Variants in SYT9 observed in about 807,000 individuals in gnomAD.
SYT9 encodes the protein synaptotagmin 9, also known as synaptotagmin-9.
In SYT9, 22 loss-of-function variants were observed where a neutral mutation model predicts 48.4. That is an observed-to-expected ratio of 0.45 (90% CI 0.32 to 0.65). The LOEUF (loss-of-function observed/expected upper bound fraction) is 0.65. Among genes scored for constraint, SYT9 ranks in the 30% least tolerant of loss-of-function variants. SYT9 has a pLI of 0.03. For missense variants in SYT9, 577 were observed against 622.0 expected, an observed-to-expected ratio of 0.93 and a Z score of 0.77; for synonymous variants, 265 against 245.0, an observed-to-expected ratio of 1.08 and a Z score of -0.76.
intron 3 of SYT9, among the ~76,000 whole-genome samples, chr11:7,406,324 C>T (rs1256730164): frequency 6.6e-6 from 1 of 151,954 alleles, no homozygotes; most frequent in Non-Finnish European, 1.5e-5. Context: ...CCACCTGCCA[C>T]CCACACACCC....
chr11:7,248,654 T>G (rs1847823364), upstream of SYT9, among the ~76,000 whole-genome samples: 1 of 152,118 alleles, frequency 6.6e-6, no homozygotes, highest in Admixed American at 6.6e-5. Flanking sequence ...CAAGGAAGAC[T>G]GCAAAACACT....
chr11:7,386,922 G>C (rs1850672065), intron 3 of SYT9, among the ~76,000 whole-genome samples: 1 of 152,112 alleles, frequency 6.6e-6, no homozygotes, highest in African/African-American at 2.4e-5. Flanking sequence ...TGATAGACTG[G>C]ATTAAGAAAA....
chr11:7,318,374 CGCAATCAAGGCTCACTGCAACCTCT>C (rs1219344011), intron 3 of SYT9, among the ~76,000 whole-genome samples: 1 of 151,602 alleles, frequency 6.6e-6, no homozygotes, highest in Non-Finnish European at 1.5e-5. Context: ...AGTGCAATGG[CGCAATCAAGGCTCACTGCAACCTCT>C]GCCTTCAGGG....
intron 6 of SYT9, among the ~76,000 whole-genome samples, chr11:7,432,637 A>ATG (rs1847628790): frequency 9.9e-6 from 1 of 100,848 alleles, no homozygotes; most frequent in African/African-American, 3.6e-5. Context: ...ATATATATAT[A>ATG]TTTAATGACT....
At chr11:7,313,267 A>G (rs1056169824) in intron 2 of SYT9, 128 bp from the exon 3 acceptor site, 18 of 953,800 alleles carry the variant, frequency 1.9e-5, no homozygotes, top group Non-Finnish European at 2.6e-5. Context: ...CCACACACAC[A>G]CAAAAAAGGC....
intron 6 of SYT9, among the ~76,000 whole-genome samples, chr11:7,449,480 T>G (rs1482905310): frequency 6.6e-6 from 1 of 151,778 alleles, no homozygotes; most frequent in Non-Finnish European, 1.5e-5. Context: ...CAGGATTCAG[T>G]TGAAGTGAGA....
chr11:7,462,266 C>T (rs1848250591), intron 6 of SYT9, among the ~76,000 whole-genome samples: 1 of 152,160 alleles, frequency 6.6e-6, no homozygotes, highest in African/African-American at 2.4e-5. Flanking sequence ...ATTGTAATAT[C>T]TATCACAGAG....
intron 1 of SYT9, among the ~76,000 whole-genome samples, chr11:7,255,624 T>C (rs1238218330): frequency 6.6e-6 from 1 of 152,118 alleles, no homozygotes; most frequent in Non-Finnish European, 1.5e-5. Context: ...CGCAAGTATT[T>C]ATTGAAGGAA....
intron 3 of SYT9, among the ~76,000 whole-genome samples, chr11:7,412,826 G>T (rs1335763768): frequency 6.6e-6 from 1 of 152,158 alleles, no homozygotes; most frequent in Non-Finnish European, 1.5e-5. Flanking sequence ...GTCTCATGGT[G>T]CTTGCAAGTG....
intron 3 of SYT9, among the ~76,000 whole-genome samples, chr11:7,363,319 C>A (rs1366628308): frequency 2.0e-5 from 3 of 152,090 alleles, no homozygotes; most frequent in Non-Finnish European, 2.9e-5. Context: ...CTTTTAACAC[C>A]AAGACCTCAT....
At position 7,238,923 on chromosome 11, in the gene SYT9, T is replaced by C. The variant is rs541111097; in HGVS notation, c.49+7T>C. On this transcript the variant is annotated splice_region_variant and intron_variant and NMD_transcript_variant, in intron 1 of 8. Coordinates refer to the SYT9 transcript ENST00000524820. ...GCTTTCAAAGGAGGCAGAGGTAAAGTTGCTAGTGGGGAATCTTGTGCCCAT... is the reference window on the plus strand; with the variant it reads ...GCTTTCAAAGGAGGCAGAGGTAAAGCTGCTAGTGGGGAATCTTGTGCCCAT... The C allele has an allele frequency of 1.4e-4, 66 of 456,054 alleles. 1 individual carries two copies. The highest frequency in any genetic ancestry group is 1.0e-3 in the South Asian group (65 of 64,548). The allele number at this position is 456,054 out of a possible 1,614,324, so 28.3% of individuals were successfully genotyped here. A position where few individuals can be genotyped will look rare whatever the true frequency, so the allele number is the denominator to read the frequency against.
At chr11:7,297,059 GGTGTGTGT>G (rs151226620) in intron 1 of SYT9, among the ~76,000 whole-genome samples, 8 of 148,054 alleles carry the variant, frequency 5.4e-5, no homozygotes, top group Admixed American at 1.4e-4. Flanking sequence ...TCTGAACCAC[GGTGTGTGT>G]GTGTGTGTGT....
chr11:7,462,760 A>C (rs1848257337), intron 6 of SYT9, among the ~76,000 whole-genome samples: 1 of 152,252 alleles, frequency 6.6e-6, no homozygotes, highest in Non-Finnish European at 1.5e-5. Flanking sequence ...TCATGTAATA[A>C]GAATCACTTC....
intron 1 of SYT9, among the ~76,000 whole-genome samples, chr11:7,285,850 C>T (rs1256886584): frequency 1.3e-5 from 2 of 152,204 alleles, no homozygotes; most frequent in Non-Finnish European, 2.9e-5. Flanking sequence ...GTCATTAAAC[C>T]TTAAAGTTCC....
chr11:7,389,447 A>G (rs781600674), intron 3 of SYT9, among the ~76,000 whole-genome samples: 1 of 152,192 alleles, frequency 6.6e-6, no homozygotes, highest in Non-Finnish European at 1.5e-5. Flanking sequence ...GGTGAAAAAC[A>G]TAAGATGCTA....
intron 3 of SYT9, among the ~76,000 whole-genome samples, chr11:7,391,305 C>T (rs1846606449): frequency 6.6e-6 from 1 of 152,074 alleles, no homozygotes; most frequent in Non-Finnish European, 1.5e-5. Flanking sequence ...GATGTATTTT[C>T]CTTTGGGTAT....
intron 3 of SYT9, among the ~76,000 whole-genome samples, chr11:7,321,135 T>C (rs1312041407): frequency 6.6e-6 from 1 of 152,210 alleles, no homozygotes; most frequent in Non-Finnish European, 1.5e-5. Context: ...AGTTCTCATG[T>C]AATGACAGTA....
chr11:7,352,176 C>G (rs1163601189), intron 3 of SYT9, among the ~76,000 whole-genome samples: 1 of 152,174 alleles, frequency 6.6e-6, no homozygotes, highest in African/African-American at 2.4e-5. Context: ...CAATCTGCCT[C>G]AGACTGACTT....
At chr11:7,415,156 G>A (rs1156355753) in intron 3 of SYT9, among the ~76,000 whole-genome samples, 1 of 152,200 alleles carries the variant, frequency 6.6e-6, no homozygotes, top group Non-Finnish European at 1.5e-5. Context: ...CTGCTGCAAA[G>A]TGGAACTGTG....
Sources: gnomAD v4.1 joint callset for allele counts (sites outside exome capture counted in the v4.1 genomes callset) on GRCh38, gnomAD v4.1.1 for gene constraint, MANE v1.5 for transcripts, NCBI Gene and HGNC (gene_info 2026-07-23, HGNC 2026-07-21) for gene names.